Variants in MACROD2 observed in about 807,000 individuals in gnomAD.
MACROD2 encodes the protein mono-ADP ribosylhydrolase 2.
A neutral mutation model predicts 70.4 loss-of-function variants in MACROD2; 36 were observed. The observed-to-expected ratio is 0.51, with a 90% CI of 0.39 to 0.68. The LOEUF is 0.68. Ranked by LOEUF, MACROD2 falls within the 30% of genes least tolerant of loss-of-function variation. The pLI, the probability that MACROD2 is intolerant of heterozygous loss-of-function variation, is 0.00. For missense variants in MACROD2, 496 were observed against 538.4 expected (o/e 0.92, Z 0.78); for synonymous variants, 172 against 178.8 (o/e 0.96, Z 0.30).
chr20:15,781,619 G>T (rs2051834244), intron 8 of MACROD2, among the ~76,000 whole-genome samples: 1 of 152,100 alleles, frequency 6.6e-6, no homozygotes, highest in Non-Finnish European at 1.5e-5. Context: ...AATACTGTCT[G>T]AAGTCTCTTT....
intron 10 of MACROD2, among the ~76,000 whole-genome samples, chr20:15,920,741 T>G (rs1007096929): frequency 6.6e-6 from 1 of 152,230 alleles, no homozygotes; most frequent in African/African-American, 2.4e-5. Context: ...TTCTGCTCCC[T>G]GCTAGCTATG....
At chr20:15,253,227 C>T (rs1390547572) in intron 6 of MACROD2, among the ~76,000 whole-genome samples, 1 of 152,140 alleles carries the variant, frequency 6.6e-6, no homozygotes, top group East Asian at 1.9e-4. Flanking sequence ...GTAGGACCAC[C>T]ACTAACCATT....
intron 5 of MACROD2, among the ~76,000 whole-genome samples, chr20:15,057,012 T>C (rs2075491629): frequency 6.6e-6 from 1 of 152,178 alleles, no homozygotes; most frequent in South Asian, 2.1e-4. Flanking sequence ...AGAAGCTGTT[T>C]AAGATGATTG....
At chr20:15,968,157 A>G (rs1474005377) in intron 13 of MACROD2, among the ~76,000 whole-genome samples, 1 of 152,234 alleles carries the variant, frequency 6.6e-6, no homozygotes, top group Non-Finnish European at 1.5e-5. Context: ...ACATCTGCAT[A>G]GCTTCATGGA....
At chr20:15,835,251 TA>T (rs1310886554) in intron 8 of MACROD2, among the ~76,000 whole-genome samples, 1 of 56,866 alleles carries the variant, frequency 1.8e-5, no homozygotes, top group Non-Finnish European at 3.7e-5. Flanking sequence ...TAATAAATAA[TA>T]ATTATTAATT....
rs146234494 is a variant in MACROD2, at chr20:14,813,326, T to A, written c.418+128367T>A. Among the ~76,000 whole-genome samples, 1,008 of 151,954 alleles carry A rather than the reference T, an allele frequency of 6.6e-3. 14 individuals are homozygous for A. The highest frequency in any genetic ancestry group is 0.023 in the African/African-American group (951 of 41,448). ...AAGCCTTACATGCATTATCTGTTTA[T>A]CCTGATGCTCTCCCCCTTCCTCTGC... On this transcript the variant is annotated intron_variant, in intron 5 of 17. Coordinates refer to ENST00000684519, the MANE Select transcript of MACROD2 (RefSeq NM_001351661.2).
intron 6 of MACROD2, among the ~76,000 whole-genome samples, chr20:15,234,613 A>T (rs558504891): frequency 1.3e-5 from 2 of 152,314 alleles, no homozygotes; most frequent in Admixed American, 1.3e-4. Context: ...CAAGCATCTA[A>T]ATTATGTTGA....
chr20:16,006,679 C>A (rs1001277174), intron 15 of MACROD2, among the ~76,000 whole-genome samples: 1 of 152,054 alleles, frequency 6.6e-6, no homozygotes, highest in African/African-American at 2.4e-5. Context: ...CCAGGCTCTC[C>A]CTCGAATTGG....
chr20:15,256,520 A>T (rs961160641), intron 6 of MACROD2, among the ~76,000 whole-genome samples: 1 of 152,050 alleles, frequency 6.6e-6, no homozygotes, highest in Admixed American at 6.6e-5. Flanking sequence ...TAGTCGGCAA[A>T]TAATAAAAAA....
intron 4 of MACROD2, among the ~76,000 whole-genome samples, chr20:14,544,521 A>G (rs1348651962): frequency 6.6e-6 from 1 of 152,158 alleles, no homozygotes; most frequent in Non-Finnish European, 1.5e-5. Context: ...TCGAGTCCAT[A>G]TGGTAGGAAC....
At chr20:14,807,217 C>G (rs1477173025) in intron 5 of MACROD2, among the ~76,000 whole-genome samples, 4 of 152,088 alleles carry the variant, frequency 2.6e-5, no homozygotes, top group African/African-American at 9.7e-5. Context: ...AGCAGGTGCC[C>G]CTCTGGGACA....
At chr20:14,451,515 G>C (rs1188994347) in intron 3 of MACROD2, among the ~76,000 whole-genome samples, 1 of 152,158 alleles carries the variant, frequency 6.6e-6, no homozygotes, top group East Asian at 1.9e-4. Context: ...AATCCCACTG[G>C]GAACTCTGGG....
chr20:16,015,425 G>A (rs1177869962), intron 15 of MACROD2, among the ~76,000 whole-genome samples: 1 of 152,118 alleles, frequency 6.6e-6, no homozygotes, highest in East Asian at 1.9e-4. Flanking sequence ...CTGATTCAGA[G>A]GCTGCAGCTC....
At chr20:13,999,964 A>T (rs2052710292) in intron 1 of MACROD2, among the ~76,000 whole-genome samples, 1 of 152,110 alleles carries the variant, frequency 6.6e-6, no homozygotes, top group Non-Finnish European at 1.5e-5. Flanking sequence ...CAGTGAGCTG[A>T]TATCGCGCTA....
intron 6 of MACROD2, among the ~76,000 whole-genome samples, chr20:15,378,283 GAAAA>G (rs11087133): frequency 2.3e-5 from 2 of 87,540 alleles, no homozygotes; most frequent in Non-Finnish European, 4.7e-5. Context: ...CAATAAAATT[GAAAA>G]AAAAAAAAAA....
At position 15,645,672 on chromosome 20, in the gene MACROD2, A is replaced by T. The variant is rs367865834; in HGVS notation, c.645+145825A>T. Among the ~76,000 whole-genome samples, 8 of 152,350 alleles carry T rather than the reference A, an allele frequency of 5.3e-5. No homozygotes were observed. In the East Asian group the frequency reaches 1.5e-3, roughly 29 times the overall value. On this transcript the variant is annotated intron_variant, in intron 8 of 17. Transcript: ENST00000684519. ...TGGGAAGAAACCTCATGAGTTCCCT[A>T]AGAAAATATCTTTCAAAAGTTAAAA...
At chr20:15,434,473 C>T (rs559222166) in intron 7 of MACROD2, among the ~76,000 whole-genome samples, 1 of 152,174 alleles carries the variant, frequency 6.6e-6, no homozygotes, top group East Asian at 1.9e-4. Context: ...GATGAGATAC[C>T]ACCTTACTCC....
chr20:15,816,536 G>A (rs566481215), intron 8 of MACROD2, among the ~76,000 whole-genome samples: 26 of 152,144 alleles, frequency 1.7e-4, no homozygotes, highest in African/African-American at 6.3e-4. Flanking sequence ...CAGTCACTAA[G>A]CTAAACTCAT....
chr20:14,939,930 A>G (rs979473053), intron 5 of MACROD2, among the ~76,000 whole-genome samples: 1 of 151,866 alleles, frequency 6.6e-6, no homozygotes. Flanking sequence ...ATAAATGCTG[A>G]TAATTTTTAT....
Sources: gnomAD v4.1 joint callset for allele counts (sites outside exome capture counted in the v4.1 genomes callset) on GRCh38, gnomAD v4.1.1 for gene constraint, MANE v1.5 for transcripts, NCBI Gene and HGNC (gene_info 2026-07-23, HGNC 2026-07-21) for gene names.